Variants in TJP2 observed in about 807,000 individuals in gnomAD.
The protein encoded by TJP2 is Friedreich ataxia region gene X104 (tight junction protein ZO-2).
TJP2 carries 91 observed loss-of-function variants against 133.1 expected under a neutral mutation model. That is an observed-to-expected ratio of 0.68 (90% confidence interval 0.58 to 0.81). TJP2 has a LOEUF of 0.81. Among genes scored for constraint, TJP2 ranks in the 40% least tolerant of loss-of-function variants. TJP2 has a pLI of 0.00. For synonymous variants in TJP2, 592 were observed against 583.4 expected (o/e 1.01, Z -0.21); for missense variants, 1,541 against 1,565.6 (o/e 0.98, Z 0.26).
intron 1 of TJP2, among the ~76,000 whole-genome samples, chr9:69,146,476 C>T (rs946765107): frequency 1.3e-5 from 2 of 152,168 alleles, no homozygotes; most frequent in African/African-American, 4.8e-5. Flanking sequence ...CACACAGTAG[C>T]ATGTACTGAT....
At chr9:69,130,466 T>TC (rs1822445041) in intron 1 of TJP2, among the ~76,000 whole-genome samples, 1 of 152,154 alleles carries the variant, frequency 6.6e-6, no homozygotes, top group Non-Finnish European at 1.5e-5. Flanking sequence ...CAGGCCCCCC[T>TC]CCTGGAGTTT....
At chr9:69,158,796 A>C (rs932670812) in intron 2 of TJP2, among the ~76,000 whole-genome samples, 1 of 152,170 alleles carries the variant, frequency 6.6e-6, no homozygotes, top group African/African-American at 2.4e-5. Flanking sequence ...TAAAATTGAG[A>C]TGAAGAATTT....
At chr9:69,189,252 G>A (rs955052004) in intron 1 of TJP2, among the ~76,000 whole-genome samples, 6 of 152,158 alleles carry the variant, frequency 3.9e-5, no homozygotes, top group African/African-American at 1.2e-4. Context: ...GATAAACAGA[G>A]CAACCAGCCC....
chr9:69,161,552 G>A lies in TJP2; in HGVS notation c.-10+9781G>A, dbSNP rs190902684. On this transcript the variant is annotated intron_variant, in intron 2 of 5. Coordinates refer to the TJP2 transcript ENST00000423935. Reference sequence around the variant, plus strand: ...TGATCTGTGTTTTATCTACATTTTGGGGCAGAGTATATGTGGGGCCAGAAC... The same window carrying A: ...TGATCTGTGTTTTATCTACATTTTGAGGCAGAGTATATGTGGGGCCAGAAC... 1.9e-3 allele frequency among the ~76,000 whole-genome samples: 296 copies of A among 151,974 alleles called. 4 individuals carry two copies. The highest frequency in any genetic ancestry group is 3.4e-4 in the Non-Finnish European group (23 of 67,992).
chr9:69,148,037 G>C (rs1305498340), intron 1 of TJP2, among the ~76,000 whole-genome samples: 1 of 151,172 alleles, frequency 6.6e-6, no homozygotes, highest in Admixed American at 6.6e-5. Flanking sequence ...AGATTCTCTT[G>C]CCTCAGCCTC....
intron 2 of TJP2, among the ~76,000 whole-genome samples, chr9:69,168,638 T>C (rs1824493230): frequency 6.6e-6 from 1 of 151,046 alleles, no homozygotes; most frequent in Non-Finnish European, 1.5e-5. Context: ...CTACTAAAAA[T>C]ACAAAAATTA....
chr9:69,238,689 T>C (rs947159478), intron 15 of TJP2, 21 bp from the exon 16 acceptor site: 12 of 1,605,716 alleles, frequency 7.5e-6, no homozygotes, highest in Non-Finnish European at 8.5e-6. Context: ...ATTATTTAGC[T>C]TCCTGTTTTT....
chr9:69,138,348 C>G (rs1024721613), intron 1 of TJP2, among the ~76,000 whole-genome samples: 6 of 151,992 alleles, frequency 3.9e-5, no homozygotes, highest in African/African-American at 1.2e-4. Context: ...TTTCTTTTCC[C>G]AGCTGGTTTG....
chr9:69,192,961 A>C (rs1826305924), intron 1 of TJP2, among the ~76,000 whole-genome samples: 1 of 133,078 alleles, frequency 7.5e-6, no homozygotes, highest in Non-Finnish European at 1.5e-5. Context: ...TCACTCTGTC[A>C]CCCAGGCTAG....
At chr9:69,173,549 A>C (rs1404656165), upstream of TJP2, among the ~76,000 whole-genome samples, 1 of 152,162 alleles carries the variant, frequency 6.6e-6, no homozygotes, top group African/African-American at 2.4e-5. Context: ...GATAACCTGG[A>C]ATATATTGTC....
intron 2 of TJP2, among the ~76,000 whole-genome samples, chr9:69,161,769 C>T (rs538672321): frequency 1.4e-3 from 212 of 149,296 alleles, no homozygotes; most frequent in African/African-American, 4.6e-3. Context: ...TATAATTGAC[C>T]GGGTGTGGTG....
rs886068712 is a variant in TJP2, at chr9:69,131,475, C to T, written c.-131+9750C>T. Among the ~76,000 whole-genome samples the T allele has an allele frequency of 9.8e-5, 15 of 152,294 alleles. 1 individual carries two copies. The highest frequency in any genetic ancestry group is 6.2e-4 in the South Asian group (3 of 4,820). ...GTCACAAAGTCGAGAGAAACATCCC[C>T]TAATTTGATTGTATATTTCATTTTA... On this transcript the variant is annotated intron_variant, in intron 1 of 5. Transcript: ENST00000423935.
At chr9:69,186,584 A>G (rs955908529) in intron 1 of TJP2, among the ~76,000 whole-genome samples, 7 of 152,232 alleles carry the variant, frequency 4.6e-5, no homozygotes, top group African/African-American at 1.7e-4. Context: ...CTGATACACA[A>G]TGCACAAAGG....
chr9:69,248,531 C>T, intron 19 of TJP2: 4 of 1,288,758 alleles, frequency 3.1e-6, no homozygotes, highest in Non-Finnish European at 3.9e-6. Context: ...ACCTTCCTTC[C>T]CATGCAGTAT....
intron 20 of TJP2, 127 bp from the exon 21 acceptor site, chr9:69,250,907 CT>C: frequency 9.8e-7 from 1 of 1,020,552 alleles, no homozygotes; most frequent in Non-Finnish European, 1.5e-6. Context: ...TATTACATTC[CT>C]TGTCAGAATG....
chr9:69,218,167 C>T, intron 3 of TJP2, 90 bp from the exon 4 acceptor site: 1 of 1,105,724 alleles, frequency 9.0e-7, no homozygotes, highest in Non-Finnish European at 1.4e-6. Flanking sequence ...CCTTTCAGGT[C>T]TATTTGCTGC....
At chr9:69,218,403 G>GT in intron 4 of TJP2, 44 bp downstream of exon 4, 2 of 1,500,368 alleles carry the variant, frequency 1.3e-6, no homozygotes, top group Non-Finnish European at 9.3e-7. Context: ...TAGCATTTTG[G>GT]TTTTTTGCCC....
chr9:69,229,603 G>A (rs1391287161), intron 10 of TJP2, among the ~76,000 whole-genome samples: 1 of 152,176 alleles, frequency 6.6e-6, no homozygotes, highest in Non-Finnish European at 1.5e-5. Context: ...CTGATGTGAT[G>A]GTCCCAGTGT....
chr9:69,169,159 A>C (rs1056568087), intron 2 of TJP2, among the ~76,000 whole-genome samples: 1 of 152,178 alleles, frequency 6.6e-6, no homozygotes, highest in African/African-American at 2.4e-5. Context: ...AACGTGTCAC[A>C]ATGTGTTTAC....
Sources: allele counts gnomAD v4.1 joint callset (sites outside exome capture counted in the v4.1 genomes callset), GRCh38; gene constraint gnomAD v4.1.1; transcripts MANE v1.5; gene names NCBI Gene and HGNC (gene_info 2026-07-23, HGNC 2026-07-21).